The following FRMD6 variants were observed in gnomAD, a reference collection of about 807,000 sequenced individuals.
FRMD6 encodes the protein FERM domain containing 6, also known as FERM domain-containing protein 6.
In FRMD6, 37 loss-of-function variants were observed where a neutral mutation model predicts 73.2. That is an observed-to-expected ratio of 0.51 (90% CI 0.39 to 0.66). The LOEUF is 0.66. Ranked by LOEUF, FRMD6 falls within the 30% of genes least tolerant of loss-of-function variation. FRMD6 has a pLI of 0.00. For missense variants in FRMD6, 714 were observed against 780.5 expected (o/e 0.91, Z 1.02); for synonymous variants, 273 against 282.2 (o/e 0.97, Z 0.33).
intron 2 of FRMD6, among the ~76,000 whole-genome samples, chr14:51,694,086 TAGAA>T (rs2140393810): frequency 6.6e-6 from 1 of 152,356 alleles, no homozygotes. Flanking sequence ...GTGTGGTTGA[TAGAA>T]TGTTGCCTTT....
At chr14:51,646,128 C>T (rs1003276552) in intron 2 of FRMD6, among the ~76,000 whole-genome samples, 7 of 151,784 alleles carry the variant, frequency 4.6e-5, no homozygotes, top group Admixed American at 3.9e-4. Flanking sequence ...ACAATCCTGG[C>T]TAACACAGCG....
At chr14:51,443,967 T>C in the FRMD6 span, among the ~76,000 whole-genome samples, 1 of 148,442 alleles carries the variant, frequency 6.7e-6, no homozygotes, top group East Asian at 2.0e-4. Flanking sequence ...TTCCTCTCGT[T>C]GTCCAGGCTG....
intron 2 of FRMD6, among the ~76,000 whole-genome samples, chr14:51,639,167 A>C (rs888427019): frequency 6.6e-6 from 1 of 152,126 alleles, no homozygotes. Context: ...TTCACACACA[A>C]AAATAATTAT....
chr14:51,442,658 G>T, the FRMD6 span, among the ~76,000 whole-genome samples: 2 of 152,072 alleles, frequency 1.3e-5, no homozygotes, highest in African/African-American at 4.8e-5. Context: ...CCTTTTAAAT[G>T]GATGCTATTC....
intron 1 of FRMD6, among the ~76,000 whole-genome samples, chr14:51,563,705 G>GGTTA (rs1479220419): frequency 6.6e-6 from 1 of 152,136 alleles, no homozygotes; most frequent in East Asian, 1.9e-4. Flanking sequence ...TTCTGTGGTT[G>GGTTA]CAATACAACT....
intron 4 of FRMD6, among the ~76,000 whole-genome samples, chr14:51,702,007 C>A (rs1465777873): frequency 1.3e-5 from 2 of 152,070 alleles, no homozygotes; most frequent in East Asian, 3.9e-4. Context: ...AATCCTAGAT[C>A]CTCTAATTTG....
At chr14:51,429,464 A>G in the FRMD6 span, among the ~76,000 whole-genome samples, 115 of 152,218 alleles carry the variant, frequency 7.6e-4, 1 homozygote, top group African/African-American at 2.7e-3. Context: ...CCCTTTATCC[A>G]CACATTACCA....
intron 2 of FRMD6, among the ~76,000 whole-genome samples, chr14:51,606,551 C>G (rs552379846): frequency 3.9e-4 from 59 of 152,270 alleles, no homozygotes; most frequent in African/African-American, 1.3e-3. Flanking sequence ...CTCTCCTGGG[C>G]TCAGTCCATG....
At chr14:51,589,255 G>GA (rs1322886282) in intron 2 of FRMD6, among the ~76,000 whole-genome samples, 1 of 152,060 alleles carries the variant, frequency 6.6e-6, no homozygotes, top group Non-Finnish European at 1.5e-5. Flanking sequence ...GAAGGTCCTA[G>GA]AGAGTATTTA....
chr14:51,708,723 A>G (rs1178389652), intron 7 of FRMD6, among the ~76,000 whole-genome samples: 1 of 152,074 alleles, frequency 6.6e-6, no homozygotes, highest in Admixed American at 6.6e-5. Flanking sequence ...TTTAATCCTC[A>G]TAACTTTATA....
the FRMD6 span, among the ~76,000 whole-genome samples, chr14:51,452,999 G>C: frequency 6.6e-6 from 1 of 152,170 alleles, no homozygotes. Flanking sequence ...AGAAAATGGA[G>C]ACAGTGAGTT....
intron 3 of FRMD6, among the ~76,000 whole-genome samples, chr14:51,698,499 G>A (rs776988920): frequency 2.7e-4 from 41 of 151,972 alleles, no homozygotes; most frequent in Non-Finnish European, 4.9e-4. Context: ...TAGATTCTAT[G>A]TGTTTGCTCT....
chr14:51,420,113 G>T, the FRMD6 span, among the ~76,000 whole-genome samples: 1,969 of 152,300 alleles, frequency 0.013, 41 homozygotes, highest in African/African-American at 0.045. Context: ...TCTTTGGTCT[G>T]CATGTCAAGG....
the FRMD6 span, among the ~76,000 whole-genome samples, chr14:51,446,472 G>A: frequency 9.3e-4 from 11 of 11,806 alleles, 1 homozygote; most frequent in African/African-American, 2.7e-3. Flanking sequence ...ACACACACAC[G>A]GAAGTTGAGG....
chr14:51,695,992 A>G (rs748128471), intron 2 of FRMD6, among the ~76,000 whole-genome samples: 1 of 152,186 alleles, frequency 6.6e-6, no homozygotes, highest in Non-Finnish European at 1.5e-5. Context: ...GTTAATTTTT[A>G]GAATTTATAA....
the FRMD6 span, among the ~76,000 whole-genome samples, chr14:51,427,412 G>A: frequency 6.6e-6 from 1 of 152,340 alleles, no homozygotes; most frequent in African/African-American, 2.4e-5. Context: ...GGCATTTGAG[G>A]AAGGCACACA....
At chr14:51,509,030 A>G (rs1207470763) in intron 1 of FRMD6, among the ~76,000 whole-genome samples, 1 of 152,240 alleles carries the variant, frequency 6.6e-6, no homozygotes, top group Admixed American at 6.5e-5. Context: ...ATATCCTTCA[A>G]GTCATGAGTT....
At chr14:51,579,224 T>C (rs1043949216) in intron 2 of FRMD6, 5 of 152,170 alleles carry the variant, frequency 3.3e-5, no homozygotes, top group Non-Finnish European at 7.3e-5. Context: ...CCTCCCTGGA[T>C]TCCAAGCCTT....
intron 1 of FRMD6, among the ~76,000 whole-genome samples, chr14:51,560,504 G>C (rs576170097): frequency 6.6e-6 from 1 of 152,122 alleles, no homozygotes; most frequent in Non-Finnish European, 1.5e-5. Context: ...TGTTTTTTGA[G>C]ACCAAGTTTC....
Sources: allele counts gnomAD v4.1 joint callset (sites outside exome capture counted in the v4.1 genomes callset), GRCh38; gene constraint gnomAD v4.1.1; transcripts MANE v1.5; gene names NCBI Gene and HGNC (gene_info 2026-07-23, HGNC 2026-07-21).